Variants in RNF19A observed in about 807,000 individuals in gnomAD.
RNF19A encodes the protein ring finger protein 19A, RBR E3 ubiquitin protein ligase.
In RNF19A, 32 loss-of-function variants were observed where a neutral mutation model predicts 75.7. That is an observed-to-expected ratio of 0.42 (90% CI 0.32 to 0.57). RNF19A has a LOEUF of 0.57. Ranked by LOEUF, RNF19A falls within the 20% of genes least tolerant of loss-of-function variation. The probability of loss-of-function intolerance (pLI) is 0.10; values close to 1 mark genes in which losing one functional copy is unlikely to be tolerated. For missense variants in RNF19A, 782 were observed against 1,036.3 expected (o/e 0.75, Z 3.37); for synonymous variants, 335 against 345.2 (o/e 0.97, Z 0.33).
chr8:100,312,625 GAGAAAGAA>G (rs202138277), upstream of RNF19A, among the ~76,000 whole-genome samples: 1 of 151,610 alleles, frequency 6.6e-6, no homozygotes, highest in African/African-American at 2.4e-5. Context: ...GAGGGAGGGA[GAGAAAGAA>G]AGAAAGAAAA....
In RNF19A at chr8:100,317,100, A is replaced by C; in HGVS notation, c.-242-3728T>G. Among the ~76,000 whole-genome samples, 1 of 152,160 alleles carries C rather than the reference A, an allele frequency of 6.6e-6. No homozygotes were observed. Among genetic ancestry groups the C allele is most frequent in the Non-Finnish European group, 1.5e-5 (1 of 68,000 alleles). ...GCCTGCCAAGCCCACGCCCACGCCCACCCGGAACTCCAGCTGGCCCGCAAG... is the reference window on the plus strand; with the variant it reads ...GCCTGCCAAGCCCACGCCCACGCCCCCCCGGAACTCCAGCTGGCCCGCAAG... On this transcript the variant is annotated intron_variant, in intron 1 of 3. Transcript: ENST00000519527. The surrounding 1 kb of genome is among the most constrained non-coding windows in gnomAD (Gnocchi z 4.3).
intron 2 of RNF19A, among the ~76,000 whole-genome samples, chr8:100,276,522 TG>T (rs1480304115): frequency 2.6e-5 from 4 of 151,388 alleles, no homozygotes; most frequent in Non-Finnish European, 4.4e-5. Context: ...GGGGCCGAGG[TG>T]GGCAGATCAC....
rs773970283 is a variant in RNF19A at position 100,275,209 on chromosome 8, A to T, written c.675-48T>A. On this transcript the variant is annotated intron_variant, in intron 2 of 9. Transcript: ENST00000341084. This position sits in a 1 kb window ranked among gnomAD's most constrained non-coding sequence, Gnocchi z 4.3. ...TTTAAAATGTGACATAAAACAAGAG[A>T]TACTCATTTCAAAAAGTATCCAACT... 8 of 1,522,538 alleles carry T rather than the reference A, an allele frequency of 5.3e-6. No homozygotes were observed. The highest frequency in any genetic ancestry group is 7.3e-6 in the Non-Finnish European group (8 of 1,101,582). 94.3% of individuals were successfully genotyped at this position (1,522,538 alleles called of 1,614,324 possible). A position where few individuals can be genotyped will look rare whatever the true frequency, so the allele number is the denominator to read the frequency against.
Position 100,329,545 on chromosome 8 carries a change from G to A in RNF19A, c.-243+6563C>T, listed in dbSNP as rs73282796. The stretch of plus-strand genomic sequence containing the variant: ...GAAGTCAATGGTCCCACTGAACTCA[G>A]CAATGGTCAGGCCTCATCTGGAGGC... On this transcript the variant is annotated intron_variant, in intron 1 of 3. Transcript: ENST00000519527. This position sits in a 1 kb window ranked among gnomAD's most constrained non-coding sequence, Gnocchi z 4.3. Among the ~76,000 whole-genome samples the A allele has an allele frequency of 6.1e-3, 934 of 152,326 alleles. 9 individuals are homozygous for A. The highest frequency in any genetic ancestry group is 0.021 in the African/African-American group (893 of 41,558).
intron 7 of RNF19A, among the ~76,000 whole-genome samples, chr8:100,262,263 A>G (rs1429863085): frequency 1.3e-5 from 2 of 152,200 alleles, no homozygotes; most frequent in Non-Finnish European, 2.9e-5. Context: ...ACGGTGACAA[A>G]TGCTATGAGG....
chr8:100,261,556 T>G lies in RNF19A; in HGVS notation c.1668A>C (p.Val556=). 1 of 1,614,080 alleles carries G rather than the reference T, an allele frequency of 6.2e-7. No individual in the cohort carries two copies. The highest frequency in any genetic ancestry group is 8.5e-7 in the Non-Finnish European group (1 of 1,179,982). Residue 556 remains valine, a synonymous_variant, in exon 8 of 10, where the codon GTA becomes GTC. Coordinates refer to ENST00000341084, the MANE Select transcript of RNF19A (RefSeq NM_183419.4). The surrounding 1 kb of genome is among the most constrained non-coding windows in gnomAD (Gnocchi z 4.4). ...ITGSLSGSAM[V]NCFNRLEVQA... ...AAAACACACACCTGTTAAAACAGTT[T>G]ACCATGGCACTTCCTGACAGACTCC...
rs1819882806 is a variant in RNF19A, at chr8:100,264,608, C to T, written c.1306+63G>A. The T allele has an allele frequency of 9.4e-7, 1 of 1,058,326 alleles. No individual in the cohort carries two copies. The highest frequency in any genetic ancestry group is 1.6e-5 in the African/African-American group (1 of 62,416). The allele number at this position is 1,058,326 out of a possible 1,614,324, so 65.6% of individuals were successfully genotyped here. On this transcript the variant is annotated intron_variant, in intron 6 of 9. Coordinates refer to ENST00000341084, the MANE Select transcript of RNF19A (RefSeq NM_183419.4). This position sits in a 1 kb window ranked among gnomAD's most constrained non-coding sequence, Gnocchi z 4.7. ...AAATTAAAAAACAATTAAAAAAAATCCTTCCACAAAACTTTAACTCCATAA... is the reference window on the plus strand; with the variant it reads ...AAATTAAAAAACAATTAAAAAAAATTCTTCCACAAAACTTTAACTCCATAA...
At chr8:100,301,962 G>A (rs1031303577) in intron 1 of RNF19A, among the ~76,000 whole-genome samples, 1 of 152,128 alleles carries the variant, frequency 6.6e-6, no homozygotes, top group African/African-American at 2.4e-5. Flanking sequence ...GCACAGAACA[G>A]CCACTGCAAA....
chr8:100,265,145 A>G (rs1296998936), intron 5 of RNF19A, among the ~76,000 whole-genome samples: 2 of 152,194 alleles, frequency 1.3e-5, no homozygotes, highest in Non-Finnish European at 2.9e-5. Flanking sequence ...CACCAACAGG[A>G]TACTTCCAGC....
intron 2 of RNF19A, among the ~76,000 whole-genome samples, chr8:100,280,373 T>G (rs925395208): frequency 1.3e-5 from 2 of 151,986 alleles, no homozygotes; most frequent in Non-Finnish European, 2.9e-5. Context: ...TGAAGAGAGA[T>G]GAGGAGAGAG....
intron 1 of RNF19A, 116 bp downstream of exon 1, chr8:100,309,751 T>C: frequency 1.0e-6 from 1 of 985,210 alleles, no homozygotes; most frequent in Non-Finnish European, 1.2e-6. Flanking sequence ...AATCCATTTC[T>C]GTCCCGGGCA....
At position 100,261,765 on chromosome 8, in the gene RNF19A, A is replaced by C; in HGVS notation, c.1469-10T>G. Reference sequence around the variant, plus strand: ...GCTACTGATGTTGTGTCTAAATGCAAATATTCCAAAGAAACTAAGTAAGTA... The same window carrying C: ...GCTACTGATGTTGTGTCTAAATGCACATATTCCAAAGAAACTAAGTAAGTA... On this transcript the variant is annotated splice_polypyrimidine_tract_variant and intron_variant, in intron 7 of 9. Coordinates refer to ENST00000341084, the MANE Select transcript of RNF19A (RefSeq NM_183419.4). This position sits in a 1 kb window ranked among gnomAD's most constrained non-coding sequence, Gnocchi z 4.4. 1 of 1,612,894 alleles carries C rather than the reference A, an allele frequency of 6.2e-7. No homozygotes were observed. The highest frequency in any genetic ancestry group is 8.5e-7 in the Non-Finnish European group (1 of 1,178,858).
rs1390065181 is a variant in RNF19A, at chr8:100,317,083, A to AGCCCAC, written c.-242-3717_-242-3712dup. Among the ~76,000 whole-genome samples, 2 of 152,282 alleles carry AGCCCAC rather than the reference A, an allele frequency of 1.3e-5. No homozygotes were observed. Among genetic ancestry groups the AGCCCAC allele is most frequent in the East Asian group, 1.9e-4 (1 of 5,190 alleles). ...GCTACTCTGAGTGCGGGGCCTGCCA[A>AGCCCAC]GCCCACGCCCACGCCCACCCGGAAC... On this transcript the variant is annotated intron_variant, in intron 1 of 3. Transcript: ENST00000519527. The surrounding 1 kb of genome is among the most constrained non-coding windows in gnomAD (Gnocchi z 4.3).
At position 100,317,121 on chromosome 8, in the gene RNF19A, G is replaced by T. The variant is rs923047898; in HGVS notation, c.-242-3749C>A. 5.6e-4 allele frequency among the ~76,000 whole-genome samples: 47 copies of T among 84,326 alleles called. No individual in the cohort carries two copies. The highest frequency in any genetic ancestry group is 1.5e-3 in the African/African-American group (46 of 30,948). 55.3% of individuals were successfully genotyped at this position (84,326 alleles called of 152,430 possible). A position where few individuals can be genotyped will look rare whatever the true frequency, so the allele number is the denominator to read the frequency against. ...GCCCACCCGGAACTCCAGCTGGCCC[G>T]CAAGCGCCGCACGCAGCCCAGCCCG... On this transcript the variant is annotated intron_variant, in intron 1 of 3. Transcript: ENST00000519527. This position sits in a 1 kb window ranked among gnomAD's most constrained non-coding sequence, Gnocchi z 4.3.
chr8:100,267,111 T>C (rs951648443), intron 5 of RNF19A, among the ~76,000 whole-genome samples: 1 of 152,166 alleles, frequency 6.6e-6, no homozygotes, highest in African/African-American at 2.4e-5. Context: ...ACAGAATGGA[T>C]TGCTTCATGA....
intron 2 of RNF19A, among the ~76,000 whole-genome samples, chr8:100,279,787 A>G (rs1330924854): frequency 2.6e-5 from 4 of 152,172 alleles, no homozygotes; most frequent in Admixed American, 1.3e-4. Context: ...TCAGCCTCCC[A>G]AAGTGCTGGA....
upstream of RNF19A, chr8:100,310,133 C>G: frequency 5.1e-6 from 5 of 985,576 alleles, no homozygotes; most frequent in Non-Finnish European, 6.0e-6. Flanking sequence ...CTTTCCCCTC[C>G]TCCTCCTCCC....
At chr8:100,315,514 A>G (rs1008156019) in intron 1 of RNF19A, among the ~76,000 whole-genome samples, 9 of 152,204 alleles carry the variant, frequency 5.9e-5, no homozygotes, top group African/African-American at 1.9e-4. Context: ...ATTCTCTTTC[A>G]GCACAATTGA....
At chr8:100,265,017 A>G (rs573468179) in intron 5 of RNF19A, among the ~76,000 whole-genome samples, 5 of 152,340 alleles carry the variant, frequency 3.3e-5, no homozygotes, top group African/African-American at 1.2e-4. Context: ...CTTTGTGCTT[A>G]AAAGTTCTGA....
Sources: gnomAD v4.1 joint callset for allele counts (sites outside exome capture counted in the v4.1 genomes callset) on GRCh38, gnomAD v4.1.1 for gene constraint, Gnocchi (gnomAD v3.1) non-coding constraint, MANE v1.5 for transcripts, NCBI Gene and HGNC (gene_info 2026-07-23, HGNC 2026-07-21) for gene names.